Variants in SYMPK observed in about 807,000 individuals in gnomAD.
SYMPK encodes the protein symplekin.
Under a neutral mutation model 136.4 loss-of-function variants are expected in SYMPK, and 49 were observed. The observed-to-expected ratio is 0.36, with a 90% CI of 0.29 to 0.46. The LOEUF (loss-of-function observed/expected upper bound fraction) is 0.46. Among genes scored for constraint, SYMPK ranks in the 20% least tolerant of loss-of-function variants. The pLI, the probability that SYMPK is intolerant of heterozygous loss-of-function variation, is 1.00. For synonymous variants in SYMPK, 766 were observed against 713.0 expected (o/e 1.07, Z -1.19); for missense variants, 1,365 against 1,690.0 (o/e 0.81, Z 3.37).
At chr19:45,858,019 G>A (rs1025214010) in intron 1 of SYMPK, among the ~76,000 whole-genome samples, 5 of 151,618 alleles carry the variant, frequency 3.3e-5, no homozygotes, top group African/African-American at 7.3e-5. Context: ...GGCTGGTCTC[G>A]AACTCCTGAC....
intron 1 of SYMPK, among the ~76,000 whole-genome samples, chr19:45,861,734 C>A (rs1045146309): frequency 2.1e-5 from 3 of 141,256 alleles, no homozygotes; most frequent in Non-Finnish European, 4.6e-5. Context: ...GAGACTCTGT[C>A]TCAAAAAAAA....
At chr19:45,847,010 T>G (rs962294796) in intron 7 of SYMPK, among the ~76,000 whole-genome samples, 2 of 152,002 alleles carry the variant, frequency 1.3e-5, no homozygotes, top group Non-Finnish European at 2.9e-5. Flanking sequence ...GCCAGGGTGG[T>G]CTCGAACTCC....
At chr19:45,843,794 A>C (rs773786076) in intron 8 of SYMPK, among the ~76,000 whole-genome samples, 1 of 151,636 alleles carries the variant, frequency 6.6e-6, no homozygotes, top group Non-Finnish European at 1.5e-5. Context: ...AAAGTAAACA[A>C]ATTAGCTGGG....
chr19:45,823,671 C>T (rs1421419926), intron 19 of SYMPK, 96 bp downstream of exon 19: 5 of 1,148,846 alleles, frequency 4.4e-6, no homozygotes, highest in South Asian at 4.0e-5. Context: ...GCAAGAGGTA[C>T]GACCATCTGG....
At chr19:45,851,798 CG>C (rs1971701949) in intron 5 of SYMPK, among the ~76,000 whole-genome samples, 1 of 151,718 alleles carries the variant, frequency 6.6e-6, no homozygotes, top group Non-Finnish European at 1.5e-5. Flanking sequence ...AGCTTGAACC[CG>C]GAAGTCGGAG....
intron 9 of SYMPK, among the ~76,000 whole-genome samples, chr19:45,841,294 C>CCA (rs919078145): frequency 2.1e-5 from 3 of 145,980 alleles, no homozygotes; most frequent in South Asian, 4.4e-4. Context: ...ATTCCCCCCC[C>CCA]ACCTTTTTTT....
chr19:45,854,442 A>G lies in SYMPK; in HGVS notation c.54T>C (p.Phe18=). Residue 18 remains phenylalanine (F), a synonymous_variant, in exon 2 of 27, where the codon TTT becomes TTC. Transcript: ENST00000245934. ...TGCCCGGCCCCTCCTCTTGAGTGAA[A>G]AACTGTGATGCCACGCTCCGACGGG... The part of the protein sequence containing the change: ...SVTRRSVASQ[F]FTQEEGPGID... 1 of 1,614,090 alleles carries G rather than the reference A, an allele frequency of 6.2e-7. No homozygotes were observed. The highest frequency in any genetic ancestry group is 1.3e-5 in the African/African-American group (1 of 75,030).
At chr19:45,827,789 G>T (rs751219444) in intron 15 of SYMPK, 48 bp downstream of exon 15, 7 of 1,593,428 alleles carry the variant, frequency 4.4e-6, no homozygotes, top group Non-Finnish European at 6.0e-6. Context: ...CCTCAGGGCA[G>T]GGCCCTGTCC....
intron 5 of SYMPK, among the ~76,000 whole-genome samples, chr19:45,851,071 A>G (rs7248426): frequency 0.25 from 37,218 of 151,760 alleles, 4,693 homozygotes; most frequent in South Asian, 0.26. Flanking sequence ...CCGAAGTGAG[A>G]GTTTGGGTTT....
chr19:45,827,784 G>A lies in SYMPK; in HGVS notation c.2067+53C>T, dbSNP rs1270732597. ...GACTGTGTGCCCTTCAGACCCCTCA[G>A]GGCAGGGCCCTGTCCCCTGCCCCGG... On this transcript the variant is annotated intron_variant, in intron 15 of 26. Transcript: ENST00000245934. The A allele has an allele frequency of 6.9e-6, 11 of 1,593,044 alleles. No homozygotes were observed. The East Asian group carries it at 2.5e-4, about 36-fold the overall frequency.
At chr19:45,848,078 C>G in intron 6 of SYMPK, 77 bp from the exon 7 acceptor site, 1 of 1,481,134 alleles carries the variant, frequency 6.8e-7, no homozygotes, top group Non-Finnish European at 9.1e-7. Context: ...ACACCCTCTG[C>G]CAATACCCAG....
At chr19:45,854,351 G>A (rs181852982) in intron 2 of SYMPK, 40 bp downstream of exon 2, 15 of 1,607,998 alleles carry the variant, frequency 9.3e-6, no homozygotes, top group Non-Finnish European at 1.3e-5. Context: ...AAAGCCAGGG[G>A]CTATGCTTCC....
In SYMPK at chr19:45,830,212, G is replaced by C; in HGVS notation, c.1599-8C>G. ...CCACCAGCGCCTGCCAGCCTGTGTG[G>C]AAGAGCAGTGACAGAGATGCAGTGA... On this transcript the variant is annotated splice_region_variant and splice_polypyrimidine_tract_variant and intron_variant, in intron 12 of 26. Transcript: ENST00000245934. 6.2e-7 allele frequency: 1 copy of C among 1,608,166 alleles called. No individual in the cohort carries two copies. The highest frequency in any genetic ancestry group is 8.5e-7 in the Non-Finnish European group (1 of 1,176,412).
At chr19:45,861,350 A>G (rs1049024765) in intron 1 of SYMPK, among the ~76,000 whole-genome samples, 3 of 152,176 alleles carry the variant, frequency 2.0e-5, no homozygotes, top group Non-Finnish European at 4.4e-5. Context: ...ACACATACAC[A>G]AAATTCTCCT....
intron 8 of SYMPK, among the ~76,000 whole-genome samples, chr19:45,843,457 G>C (rs2054195031): frequency 6.6e-6 from 1 of 152,160 alleles, no homozygotes; most frequent in South Asian, 2.1e-4. Flanking sequence ...TTTGGTGGGG[G>C]GAGAGGACTG....
At chr19:45,853,851 G>C (rs746848850) in intron 3 of SYMPK, among the ~76,000 whole-genome samples, 3 of 152,198 alleles carry the variant, frequency 2.0e-5, no homozygotes, top group Non-Finnish European at 4.4e-5. Context: ...CACTGGCAGA[G>C]AAGAAATGCA....
At chr19:45,845,465 G>A (rs939865084) in intron 7 of SYMPK, among the ~76,000 whole-genome samples, 1 of 151,940 alleles carries the variant, frequency 6.6e-6, no homozygotes, top group South Asian at 2.1e-4. Flanking sequence ...GTTGTCTTTC[G>A]GTGCCTGGCT....
intron 1 of SYMPK, among the ~76,000 whole-genome samples, chr19:45,858,221 C>T: frequency 6.6e-6 from 1 of 152,190 alleles, no homozygotes; most frequent in South Asian, 2.1e-4. Flanking sequence ...CTGCCTGTCA[C>T]CCCCTATCTT....
intron 8 of SYMPK, among the ~76,000 whole-genome samples, chr19:45,843,425 T>C (rs1441344991): frequency 6.6e-6 from 1 of 152,144 alleles, no homozygotes; most frequent in African/African-American, 2.4e-5. Context: ...ATTTCGCTAA[T>C]CTTGGAACAT....
Sources: gnomAD v4.1 joint callset for allele counts (sites outside exome capture counted in the v4.1 genomes callset) on GRCh38, gnomAD v4.1.1 for gene constraint, MANE v1.5 for transcripts, NCBI Gene and HGNC (gene_info 2026-07-23, HGNC 2026-07-21) for gene names.